MGMT: variants seen among roughly 807,000 people sequenced by gnomAD.
MGMT encodes the protein methylated-DNA--protein-cysteine methyltransferase.
MGMT carries 14 observed loss-of-function variants against 15.9 expected under a neutral mutation model. That is an observed-to-expected ratio of 0.88 (90% CI 0.58 to 1.37). The LOEUF (loss-of-function observed/expected upper bound fraction) is 1.37, where lower values mean the gene tolerates loss of function less well. MGMT is among the 40% of genes most tolerant of loss of function. The probability of loss-of-function intolerance (pLI) is 0.00; values close to 1 mark genes in which losing one functional copy is unlikely to be tolerated. For synonymous variants in MGMT, 130 were observed against 118.2 expected, an observed-to-expected ratio of 1.10 and a Z score of -0.65; for missense variants, 282 against 268.1, an observed-to-expected ratio of 1.05 and a Z score of -0.36.
chr10:129,743,481 C>T (rs1267660126), intron 3 of MGMT, among the ~76,000 whole-genome samples: 1 of 152,200 alleles, frequency 6.6e-6, no homozygotes, highest in South Asian at 2.1e-4. Flanking sequence ...ATCGTGGCCT[C>T]ACCGGCCCAC....
chr10:129,608,635 G>A (rs1359384999), intron 2 of MGMT, among the ~76,000 whole-genome samples: 4 of 152,220 alleles, frequency 2.6e-5, no homozygotes, highest in Non-Finnish European at 5.9e-5. Flanking sequence ...CTTCGATTTA[G>A]TTTTTCTATT....
chr10:129,741,485 A>T (rs1415956987), intron 3 of MGMT, among the ~76,000 whole-genome samples: 3 of 152,134 alleles, frequency 2.0e-5, no homozygotes, highest in Non-Finnish European at 2.9e-5. Flanking sequence ...CCAGGACTGC[A>T]TGTGGCCCTC....
intron 2 of MGMT, among the ~76,000 whole-genome samples, chr10:129,696,815 T>A (rs546112967): frequency 5.3e-5 from 8 of 152,328 alleles, no homozygotes; most frequent in South Asian, 2.1e-4. Flanking sequence ...CAGCCCTTGG[T>A]TGGACTTCTT....
intron 3 of MGMT, among the ~76,000 whole-genome samples, chr10:129,738,519 G>A (rs997170277): frequency 3.9e-5 from 6 of 152,210 alleles, no homozygotes; most frequent in Admixed American, 1.3e-4. Context: ...CATCTTCTGC[G>A]TCGCTCACAC....
intron 1 of MGMT, among the ~76,000 whole-genome samples, chr10:129,474,083 G>A (rs1196903860): frequency 1.3e-5 from 2 of 152,234 alleles, no homozygotes; most frequent in East Asian, 1.9e-4. Flanking sequence ...CTATGGATGC[G>A]GGTACATTTG....
At chr10:129,643,078 G>T (rs1040522234) in intron 2 of MGMT, among the ~76,000 whole-genome samples, 3 of 152,200 alleles carry the variant, frequency 2.0e-5, no homozygotes, top group Non-Finnish European at 4.4e-5. Context: ...GGAAAAGGGA[G>T]TTTTGTAGCT....
chr10:129,687,791 G>T (rs1481233398), intron 2 of MGMT, among the ~76,000 whole-genome samples: 2 of 151,448 alleles, frequency 1.3e-5, no homozygotes, highest in Admixed American at 1.3e-4. Context: ...TTGGTGTGCT[G>T]CACCCATTAA....
chr10:129,554,139 G>T (rs905372709), intron 2 of MGMT, among the ~76,000 whole-genome samples: 1 of 152,230 alleles, frequency 6.6e-6, no homozygotes, highest in Non-Finnish European at 1.5e-5. Flanking sequence ...CGGCCAGGCC[G>T]CCTCTGAACA....
chr10:129,636,342 G>T (rs926968809), intron 2 of MGMT, among the ~76,000 whole-genome samples: 4 of 152,162 alleles, frequency 2.6e-5, no homozygotes, highest in African/African-American at 9.7e-5. Flanking sequence ...CAGCACAGAG[G>T]TTAGTATTCA....
rs370890894 is a variant in MGMT at position 129,544,766 on chromosome 10, T to C, written c.125+8389T>C. 1.9e-4 allele frequency among the ~76,000 whole-genome samples: 29 copies of C among 152,340 alleles called. 1 individual carries two copies. The South Asian group carries it at 5.0e-3, about 26-fold the overall frequency. ...GCAGTTTGGTGCTTCTAATTAGTTGTGGTCTTGAAAAGCTGGTGAACAGGC... is the reference window on the plus strand; with the variant it reads ...GCAGTTTGGTGCTTCTAATTAGTTGCGGTCTTGAAAAGCTGGTGAACAGGC... On this transcript the variant is annotated intron_variant, in intron 2 of 4. Transcript: ENST00000651593.
chr10:129,497,502 C>G (rs972012449), intron 1 of MGMT, among the ~76,000 whole-genome samples: 2 of 152,190 alleles, frequency 1.3e-5, no homozygotes, highest in Non-Finnish European at 1.5e-5. Flanking sequence ...AAATTTTAGA[C>G]TTGCTGAAAA....
At chr10:129,563,342 C>A (rs1846302533) in intron 2 of MGMT, among the ~76,000 whole-genome samples, 1 of 151,990 alleles carries the variant, frequency 6.6e-6, no homozygotes, top group Non-Finnish European at 1.5e-5. Context: ...CCGGTCTGTG[C>A]CCTGGCTTAG....
intron 3 of MGMT, among the ~76,000 whole-genome samples, chr10:129,736,932 G>C (rs1402389464): frequency 6.6e-6 from 1 of 152,348 alleles, no homozygotes; most frequent in East Asian, 1.9e-4. Context: ...GAGATCTGCT[G>C]TTAGTCTGAT....
At chr10:129,730,953 T>C (rs1198113304) in intron 3 of MGMT, among the ~76,000 whole-genome samples, 1 of 152,174 alleles carries the variant, frequency 6.6e-6, no homozygotes, top group Non-Finnish European at 1.5e-5. Context: ...TTTAGGAGGC[T>C]CTAAGTATTG....
At chr10:129,640,097 CT>C (rs539701974) in intron 2 of MGMT, among the ~76,000 whole-genome samples, 7,244 of 139,370 alleles carry the variant, frequency 0.052, 185 homozygotes, top group Middle Eastern at 0.095. Flanking sequence ...AAATGAATAA[CT>C]TTTTTTTTTT....
intron 4 of MGMT, among the ~76,000 whole-genome samples, chr10:129,763,997 A>AGGAT (rs1185881870): frequency 4.6e-5 from 7 of 152,236 alleles, no homozygotes; most frequent in African/African-American, 1.7e-4. Flanking sequence ...TCGTCAAATT[A>AGGAT]GGATGAGCTG....
At chr10:129,626,883 G>T (rs548243264) in intron 2 of MGMT, among the ~76,000 whole-genome samples, 3 of 152,358 alleles carry the variant, frequency 2.0e-5, no homozygotes, top group African/African-American at 4.8e-5. Context: ...GTAAGGAGAT[G>T]CAGGGAAGGC....
intron 3 of MGMT, among the ~76,000 whole-genome samples, chr10:129,734,692 TG>T (rs1848540246): frequency 6.6e-6 from 1 of 152,142 alleles, no homozygotes; most frequent in African/African-American, 2.4e-5. Flanking sequence ...ATATTGGCTG[TG>T]GGTTTGTCAT....
chr10:129,646,803 G>A (rs893862345), intron 2 of MGMT, among the ~76,000 whole-genome samples: 4 of 144,206 alleles, frequency 2.8e-5, no homozygotes, highest in African/African-American at 5.2e-5. Context: ...CTTGTCAGGC[G>A]TCTTGTCTGC....
Sources: gnomAD v4.1 joint callset for allele counts (sites outside exome capture counted in the v4.1 genomes callset) on GRCh38, gnomAD v4.1.1 for gene constraint, MANE v1.5 for transcripts, NCBI Gene and HGNC (gene_info 2026-07-23, HGNC 2026-07-21) for gene names.